KCNJ14: variants seen among roughly 807,000 people sequenced by gnomAD.
KCNJ14 encodes potassium inwardly rectifying channel subfamily J member 14.
Under a neutral mutation model 24.5 loss-of-function variants are expected in KCNJ14, and 18 were observed. The observed-to-expected ratio is 0.74, with a 90% CI of 0.51 to 1.09. KCNJ14 has a LOEUF of 1.09. Among genes scored for constraint, KCNJ14 ranks in the 50% least tolerant of loss-of-function variants. The probability of loss-of-function intolerance (pLI) is 0.00; values close to 1 mark genes in which losing one functional copy is unlikely to be tolerated. For synonymous variants in KCNJ14, 288 were observed against 270.8 expected, an observed-to-expected ratio of 1.06 and a Z score of -0.63; for missense variants, 633 against 623.0, an observed-to-expected ratio of 1.02 and a Z score of -0.17.
At position 48,462,351 on chromosome 19, in the gene KCNJ14, C is replaced by G; in HGVS notation, c.627C>G (p.Arg209=). Reference sequence around the variant, plus strand: ...GCGAGAACGCCGTCGTGGCGCTGCGCGACCACCGCCTCTGCCTCATGTGGC... The same window carrying G: ...GCGAGAACGCCGTCGTGGCGCTGCGGGACCACCGCCTCTGCCTCATGTGGC... ...VFSENAVVAL[R]DHRLCLMWRV... Residue 209 remains arginine (R), a synonymous_variant, in exon 2 of 3, where the codon CGC becomes CGG. Transcript: ENST00000342291. The surrounding 1 kb of genome is among the most constrained non-coding windows in gnomAD (Gnocchi z 4.9). The G allele has an allele frequency of 6.5e-7, 1 of 1,542,104 alleles. No homozygotes were observed. Among genetic ancestry groups the G allele is most frequent in the Non-Finnish European group, 8.8e-7 (1 of 1,139,464 alleles).
At chr19:48,457,802 C>A (rs1392425082) in intron 1 of KCNJ14, among the ~76,000 whole-genome samples, 1 of 152,080 alleles carries the variant, frequency 6.6e-6, no homozygotes, top group Admixed American at 6.6e-5. Flanking sequence ...CTCAGCCTCC[C>A]GAGTAGCTGG....
In KCNJ14 at chr19:48,462,204, G is replaced by A. The variant is rs1302588692; in HGVS notation, c.480G>A (p.Pro160=). ...TGCGCAGCGTCACCGAGGAGTGCCC[G>A]GCCGCTGTGGCCGCCGTGGTGCTGC... ...YGVRSVTEEC[P]AAVAAVVLQC... Residue 160 remains proline (P), a synonymous_variant, in exon 2 of 3, where the codon CCG becomes CCA. Transcript: ENST00000342291. This position sits in a 1 kb window ranked among gnomAD's most constrained non-coding sequence, Gnocchi z 4.9. The A allele has an allele frequency of 6.4e-7, 1 of 1,553,900 alleles. No individual in the cohort carries two copies. Among genetic ancestry groups the A allele is most frequent in the Non-Finnish European group, 8.7e-7 (1 of 1,149,162 alleles).
In KCNJ14 at chr19:48,462,583, GT is replaced by G; in HGVS notation, c.714+146del. ...TCTTGGGCCTGGGGCCTGCGAATGG[GT>G]CACTGGGCAGCTGGGGATGTAAACC... On this transcript the variant is annotated intron_variant, in intron 2 of 2. Transcript: ENST00000342291. The surrounding 1 kb of genome is among the most constrained non-coding windows in gnomAD (Gnocchi z 4.9). 1 of 614,496 alleles carries G rather than the reference GT, an allele frequency of 1.6e-6. No individual in the cohort carries two copies. The highest frequency in any genetic ancestry group is 2.7e-6 in the Non-Finnish European group (1 of 364,756). 38.1% of individuals were successfully genotyped at this position (614,496 alleles called of 1,614,324 possible).
intron 1 of KCNJ14, among the ~76,000 whole-genome samples, chr19:48,458,062 C>T (rs1468520866): frequency 2.0e-5 from 3 of 152,188 alleles, no homozygotes; most frequent in African/African-American, 4.8e-5. Context: ...AAATACTATT[C>T]ATTGGATGAA....
At position 48,466,699 on chromosome 19, in the gene KCNJ14, A is replaced by C. The variant is rs910205548; in HGVS notation, c.*1922A>C. 2.6e-5 allele frequency: 4 copies of C among 152,192 alleles called. No individual in the cohort carries two copies. The highest frequency in any genetic ancestry group is 5.9e-5 in the Non-Finnish European group (4 of 68,044). 9.4% of individuals were successfully genotyped at this position (152,192 alleles called of 1,614,324 possible). On this transcript the variant is annotated 3_prime_UTR_variant, in exon 3 of 3. Coordinates refer to ENST00000342291, the MANE Select transcript of KCNJ14 (RefSeq NM_013348.4). ...ACACCAAGGGTGGGATGGGCATTCG[A>C]GTCCTGGGGATTTCCCTCCTCTCCC... is the stretch of plus-strand genomic sequence containing the variant.
At position 48,465,088 on chromosome 19, in the gene KCNJ14, T is replaced by A. The variant is rs952624422; in HGVS notation, c.*311T>A. 3 of 338,776 alleles carry A rather than the reference T, an allele frequency of 8.9e-6. No homozygotes were observed. The highest frequency in any genetic ancestry group is 1.6e-5 in the Non-Finnish European group (3 of 183,662). The allele number at this position is 338,776 out of a possible 1,614,324, so 21.0% of individuals were successfully genotyped here. The stretch of plus-strand genomic sequence containing the variant: ...ATTCCTCTATATGGGGAGACCTGGA[T>A]TGTTGACCAGGGTGAGAAGCCAATG... On this transcript the variant is annotated 3_prime_UTR_variant, in exon 3 of 3. Coordinates refer to ENST00000342291, the MANE Select transcript of KCNJ14 (RefSeq NM_013348.4).
At position 48,459,099 on chromosome 19, in the gene KCNJ14, G is replaced by A. The variant is rs990693331; in HGVS notation, c.-55-2571G>A. Among the ~76,000 whole-genome samples the A allele has an allele frequency of 1.1e-4, 17 of 151,444 alleles. No homozygotes were observed. In the South Asian group the frequency reaches 1.7e-3, roughly 15 times the overall value. ...ACTAAAAATACAAAAAAAATTAGCC[G>A]GGCGTAGTGGCAGGCGCCTGTAGTC... On this transcript the variant is annotated intron_variant, in intron 1 of 2. Coordinates refer to ENST00000342291, the MANE Select transcript of KCNJ14 (RefSeq NM_013348.4).
At position 48,462,519 on chromosome 19, in the gene KCNJ14, C is replaced by G. The variant is rs964513022; in HGVS notation, c.714+81C>G. The stretch of plus-strand genomic sequence containing the variant: ...TGTAGGCCCGAGGGCGAGGGGCGTG[C>G]GGTCCTGGAGGGGGCGTGGACTACA... On this transcript the variant is annotated intron_variant, in intron 2 of 2. Transcript: ENST00000342291. This position sits in a 1 kb window ranked among gnomAD's most constrained non-coding sequence, Gnocchi z 4.9. 4.4e-6 allele frequency: 5 copies of G among 1,129,460 alleles called. No homozygotes were observed. The South Asian group carries it at 8.2e-5, about 18-fold the overall frequency. The allele number at this position is 1,129,460 out of a possible 1,614,324, so 70.0% of individuals were successfully genotyped here.
chr19:48,459,900 G>T (rs1463502506), intron 1 of KCNJ14, among the ~76,000 whole-genome samples: 1 of 151,978 alleles, frequency 6.6e-6, no homozygotes, highest in Non-Finnish European at 1.5e-5. Flanking sequence ...GTGGTGGCAT[G>T]TGCCTGTAAT....
At chr19:48,457,004 T>G (rs1971547201) in intron 1 of KCNJ14, 1 of 151,144 alleles carries the variant, frequency 6.6e-6, no homozygotes, top group Non-Finnish European at 1.5e-5. Flanking sequence ...TTTTTTTTTT[T>G]TTTCTTTAAG....
intron 1 of KCNJ14, among the ~76,000 whole-genome samples, chr19:48,460,240 T>C (rs1303993365): frequency 6.7e-6 from 1 of 148,340 alleles, no homozygotes; most frequent in African/African-American, 2.6e-5. Flanking sequence ...CTTGGGGAAG[T>C]TTTATTTATT....
rs1407422902 is a variant in KCNJ14 at position 48,461,976 on chromosome 19, GC to G, written c.253del (p.Arg85AlafsTer157). On this transcript the variant is annotated frameshift_variant, in exon 2 of 3. Transcript: ENST00000342291. LOFTEE classifies it high-confidence loss of function. ...SDLFTTCVDV[R>X]WRWMCLLFSC... is the part of the protein sequence containing the mutation. Reference sequence around the variant, plus strand: ...ACCTGTTCACCACATGCGTGGACGTGCGCTGGCGCTGGATGTGCCTGCTCTT... The same window carrying G: ...ACCTGTTCACCACATGCGTGGACGTGGCTGGCGCTGGATGTGCCTGCTCTT... 9 of 1,613,166 alleles carry G rather than the reference GC, an allele frequency of 5.6e-6. No homozygotes were observed. Among genetic ancestry groups the G allele is most frequent in the Non-Finnish European group, 7.6e-6 (9 of 1,179,708 alleles).
intron 1 of KCNJ14, among the ~76,000 whole-genome samples, chr19:48,460,307 G>A (rs1008845951): frequency 7.2e-5 from 11 of 151,734 alleles, no homozygotes; most frequent in Non-Finnish European, 1.3e-4. Flanking sequence ...GCAATGGCAC[G>A]ATCTCGGCTC....
intron 1 of KCNJ14, chr19:48,461,312 G>A (rs1413006725): frequency 6.6e-6 from 1 of 152,372 alleles, no homozygotes; most frequent in East Asian, 1.9e-4. Flanking sequence ...CTCCAGCCTG[G>A]CGACAAAGCA....
intron 2 of KCNJ14, among the ~76,000 whole-genome samples, chr19:48,463,306 C>T (rs1971620899): frequency 6.6e-6 from 1 of 152,042 alleles, no homozygotes; most frequent in Non-Finnish European, 1.5e-5. Context: ...AACTCCCAGC[C>T]GCCTCTGGGG....
Position 48,464,572 on chromosome 19 carries a change from G to A in KCNJ14, c.1106G>A (p.Arg369Gln), listed in dbSNP as rs777018794. The A allele has an allele frequency of 5.6e-5, 90 of 1,613,966 alleles. No homozygotes were observed. Among genetic ancestry groups the A allele is most frequent in the South Asian group, 1.9e-4 (17 of 91,078 alleles). The change falls in exon 3 of 3, where the codon CGG becomes CAG. Residue 369 changes from arginine (R) to glutamine (Q), a missense_variant. Physicochemically the swap from Arg to Gln is conservative, Grantham distance 43 (BLOSUM62 1). Transcript: ENST00000342291. ...PVCSAKELDERAEQASHSLKS... is the reference protein window; with the variant it reads ...PVCSAKELDEQAEQASHSLKS... ...TGCAGTGCTAAGGAGCTGGATGAAC[G>A]GGCAGAGCAGGCTTCCCACAGCCTC...
rs973521427 is a variant in KCNJ14 at position 48,466,672 on chromosome 19, C to G, written c.*1895C>G. ...GCCTTTCCAGCAGGATGAGTCCTCA[C>G]TACACCAAGGGTGGGATGGGCATTC... On this transcript the variant is annotated 3_prime_UTR_variant, in exon 3 of 3. Transcript: ENST00000342291. The G allele has an allele frequency of 6.6e-6, 1 of 152,206 alleles. No individual in the cohort carries two copies. Among genetic ancestry groups the G allele is most frequent in the African/African-American group, 2.4e-5 (1 of 41,444 alleles). 9.4% of individuals were successfully genotyped at this position (152,206 alleles called of 1,614,324 possible). A position where few individuals can be genotyped will look rare whatever the true frequency, so the allele number is the denominator to read the frequency against.
rs149035039 is a variant in KCNJ14 at position 48,464,336 on chromosome 19, C to T, written c.870C>T (p.Ala290=). ...SASPLYELGR[A]ELARADFELV... is the part of the protein sequence containing the mutation. ...GTCCTCTGTATGAGCTAGGACGTGCCGAGCTGGCCAGGGCTGACTTTGAGC... is the reference window on the plus strand; with the variant it reads ...GTCCTCTGTATGAGCTAGGACGTGCTGAGCTGGCCAGGGCTGACTTTGAGC... Residue 290 remains alanine, a synonymous_variant, in exon 3 of 3, where the codon GCC becomes GCT. Coordinates refer to ENST00000342291, the MANE Select transcript of KCNJ14 (RefSeq NM_013348.4). The T allele has an allele frequency of 3.1e-6, 5 of 1,613,270 alleles. No homozygotes were observed. The highest frequency in any genetic ancestry group is 4.5e-5 in the East Asian group (2 of 44,872).
At position 48,461,550 on chromosome 19, in the gene KCNJ14, A is replaced by AAAAAAAAAAAAAAAAAAG. The variant is rs370425889; in HGVS notation, c.-55-120_-55-119insAAAAAAAAAAAAAAAAAG. 700 of 351,320 alleles carry AAAAAAAAAAAAAAAAAAG rather than the reference A, an allele frequency of 2.0e-3. 65 individuals carry two copies. Among genetic ancestry groups the AAAAAAAAAAAAAAAAAAG allele is most frequent in the African/African-American group, 9.4e-3 (307 of 32,662 alleles). 21.8% of individuals were successfully genotyped at this position (351,320 alleles called of 1,614,324 possible). ...CTCCAAAAAAAAAAAAAAAAAAAAA[A>AAAAAAAAAAAAAAAAAAG]TGCGTATCGTTCCACCTATTTGACA... is the stretch of plus-strand genomic sequence containing the variant. On this transcript the variant is annotated intron_variant, in intron 1 of 2. Transcript: ENST00000342291.
Sources: allele counts gnomAD v4.1 joint callset (sites outside exome capture counted in the v4.1 genomes callset), GRCh38; gene constraint gnomAD v4.1.1; non-coding constraint Gnocchi (gnomAD v3.1); transcripts MANE v1.5; gene names NCBI Gene and HGNC (gene_info 2026-07-23, HGNC 2026-07-21).